Variants in RABEP1 observed in about 807,000 individuals in gnomAD.
RABEP1 encodes the protein rab GTPase-binding effector protein 1.
Under a neutral mutation model 123.4 loss-of-function variants are expected in RABEP1, and 51 were observed. That is an observed-to-expected ratio of 0.41 (90% CI 0.33 to 0.52). The LOEUF (loss-of-function observed/expected upper bound fraction) is 0.52, where lower values mean the gene tolerates loss of function less well. RABEP1 is among the 20% of genes least tolerant of loss of function. The pLI is 0.16. For synonymous variants in RABEP1, 347 were observed against 355.2 expected (o/e 0.98, Z 0.26); for missense variants, 888 against 996.3 (o/e 0.89, Z 1.46).
In RABEP1 at chr17:5,338,175, A is replaced by G. The variant is rs369619609; in HGVS notation, c.648+37A>G. On this transcript the variant is annotated intron_variant, in intron 5 of 17. Coordinates refer to ENST00000537505, the MANE Select transcript of RABEP1 (RefSeq NM_004703.6). ...TTGTAATCCATTTGCTTGAAACCCA[A>G]GTTTCTGCCCCAATGCCATGAACAA... The G allele has an allele frequency of 4.8e-5, 76 of 1,585,072 alleles. No individual in the cohort carries two copies. In the African/African-American group the frequency reaches 8.5e-4, roughly 18 times the overall value.
chr17:5,337,181 C>G (rs1907174367), intron 4 of RABEP1, among the ~76,000 whole-genome samples: 1 of 152,112 alleles, frequency 6.6e-6, no homozygotes, highest in Non-Finnish European at 1.5e-5. Context: ...TAAGGGGTCA[C>G]TCTTTGTGTT....
At chr17:5,347,281 G>A (rs563921180) in intron 6 of RABEP1, among the ~76,000 whole-genome samples, 7 of 152,212 alleles carry the variant, frequency 4.6e-5, no homozygotes, top group South Asian at 2.1e-4. Context: ...GTGGTGATGC[G>A]CACCTGTTAT....
intron 1 of RABEP1, among the ~76,000 whole-genome samples, chr17:5,304,497 G>A (rs1224187070): frequency 2.6e-5 from 4 of 151,736 alleles, no homozygotes; most frequent in East Asian, 2.0e-4. Context: ...CAGGAGGATC[G>A]CTTGAACCCA....
In RABEP1 at chr17:5,378,517, A is replaced by G. The variant is rs550503453; in HGVS notation, c.2271+285A>G. Reference sequence around the variant, plus strand: ...AGGCAAGGCATGGTCATAACATGTTATATGCTTAGAGGTACAGTAGAAATA... The same window carrying G: ...AGGCAAGGCATGGTCATAACATGTTGTATGCTTAGAGGTACAGTAGAAATA... On this transcript the variant is annotated intron_variant, in intron 15 of 17. Transcript: ENST00000537505. 9.6e-5 allele frequency: 46 copies of G among 481,564 alleles called. 1 individual carries two copies. Among genetic ancestry groups the G allele is most frequent in the Middle Eastern group, 9.8e-4 (2 of 2,042 alleles). 29.8% of individuals were successfully genotyped at this position (481,564 alleles called of 1,614,324 possible). A position where few individuals can be genotyped will look rare whatever the true frequency, so the allele number is the denominator to read the frequency against.
In RABEP1 at chr17:5,361,602, T is replaced by C. The variant is rs922773185; in HGVS notation, c.1490T>C (p.Met497Thr). Residue 497 changes from methionine (M) to threonine (T), a missense_variant, in exon 9 of 18, where the codon ATG becomes ACG. Coordinates refer to ENST00000537505, the MANE Select transcript of RABEP1 (RefSeq NM_004703.6). ...CTCCTCTCCAGCGTTACCCAGGGCA[T>C]GGAGAGTGCCTATGTGTCCCCTAGT... ...ASLLSSVTQGMESAYVSPSGY... is the reference protein window; with the variant it reads ...ASLLSSVTQGTESAYVSPSGY... 4 of 1,614,062 alleles carry C rather than the reference T, an allele frequency of 2.5e-6. No individual in the cohort carries two copies. Among genetic ancestry groups the C allele is most frequent in the African/African-American group, 2.7e-5 (2 of 74,914 alleles).
At chr17:5,356,181 C>A (rs1479073216) in intron 8 of RABEP1, among the ~76,000 whole-genome samples, 3 of 152,074 alleles carry the variant, frequency 2.0e-5, no homozygotes, top group Admixed American at 1.3e-4. Flanking sequence ...TGGTGTGAAA[C>A]CCTATCTCTA....
intron 12 of RABEP1, among the ~76,000 whole-genome samples, chr17:5,370,294 T>G (rs922164794): frequency 6.6e-6 from 1 of 152,232 alleles, no homozygotes; most frequent in South Asian, 2.1e-4. Flanking sequence ...ATTGTAGACA[T>G]GACAGTCGTA....
chr17:5,353,089 C>CT lies in RABEP1; in HGVS notation c.964-1269dup, dbSNP rs1211907504. ...CTTGAACAATCTCTGATTCCAGAGT[C>CT]TAAGTGCTTACTCACCACCTCTTTC... On this transcript the variant is annotated intron_variant, in intron 7 of 17. Transcript: ENST00000537505. Among the ~76,000 whole-genome samples, 8 of 152,330 alleles carry CT rather than the reference C, an allele frequency of 5.3e-5. No homozygotes were observed. The East Asian group carries it at 1.2e-3, about 22-fold the overall frequency.
In RABEP1 at chr17:5,380,397, C is replaced by T. The variant is rs1457570932; in HGVS notation, c.2305C>T (p.Leu769Phe). Residue 769 changes from leucine (L) to phenylalanine (F), a missense_variant, in exon 16 of 18, where the codon CTT (leucine) becomes TTT (phenylalanine). Coordinates refer to ENST00000537505, the MANE Select transcript of RABEP1 (RefSeq NM_004703.6). ...CACATTAAGAGAGAAGTCTCAACAG[C>T]TTGAGAGTCTTCAGGAAATAAAGAT... ...ESTLREKSQQ[L>F]ESLQEIKISL... 3.2e-6 allele frequency: 5 copies of T among 1,573,344 alleles called. No homozygotes were observed. The highest frequency in any genetic ancestry group is 4.3e-6 in the Non-Finnish European group (5 of 1,157,964).
intron 17 of RABEP1, 196 bp downstream of exon 17, chr17:5,381,701 C>T: frequency 6.1e-6 from 5 of 817,136 alleles, no homozygotes; most frequent in Non-Finnish European, 8.5e-6. Flanking sequence ...TTTTCTTTTT[C>T]TGTATGCCTT....
intron 12 of RABEP1, among the ~76,000 whole-genome samples, chr17:5,368,913 CCTGT>C (rs1404561725): frequency 5.9e-5 from 9 of 152,030 alleles, no homozygotes; most frequent in Non-Finnish European, 1.3e-4. Context: ...TTGAGACCAT[CCTGT>C]CTAACATGGT....
chr17:5,383,095 G>A lies in RABEP1; in HGVS notation c.2488-27G>A, dbSNP rs1343673968. 12 of 1,603,182 alleles carry A rather than the reference G, an allele frequency of 7.5e-6. No homozygotes were observed. In the African/African-American group the frequency reaches 8.0e-5, roughly 11 times the overall value. On this transcript the variant is annotated intron_variant, in intron 17 of 17. Coordinates refer to ENST00000537505, the MANE Select transcript of RABEP1 (RefSeq NM_004703.6). ...CAGAAAATCTAGGCAGGAGCCACCT[G>A]TAGTTATCTCACCATTGTTTCTCCA...
intron 8 of RABEP1, among the ~76,000 whole-genome samples, chr17:5,359,009 A>G (rs972490697): frequency 6.7e-6 from 1 of 149,922 alleles, no homozygotes; most frequent in Non-Finnish European, 1.5e-5. Context: ...CTATCCTCCC[A>G]CCTCAGCCTC....
At chr17:5,304,657 A>G (rs556740820) in intron 1 of RABEP1, among the ~76,000 whole-genome samples, 2 of 152,318 alleles carry the variant, frequency 1.3e-5, no homozygotes, top group South Asian at 2.1e-4. Context: ...GAAGGCAACA[A>G]ATACGGGATG....
At chr17:5,367,767 A>T (rs1910183569) in intron 11 of RABEP1, among the ~76,000 whole-genome samples, 1 of 148,796 alleles carries the variant, frequency 6.7e-6, no homozygotes, top group Non-Finnish European at 1.5e-5. Flanking sequence ...TTTTTTTTTT[A>T]AACCCGAGAT....
chr17:5,383,150 AC>A lies in RABEP1; in HGVS notation c.2517del (p.Ser840ProfsTer9). On this transcript the variant is annotated frameshift_variant, in exon 18 of 18. Transcript: ENST00000537505. LOFTEE classifies it high-confidence loss of function. ...QVQLERIRQA[D>X]SLERIRAILN... ...CAGTTAGAGCGGATCCGGCAAGCTG[AC>A]TCCTTGGAGAGAATCCGGGCAATTC... is the stretch of plus-strand genomic sequence containing the variant. 1 of 1,613,932 alleles carries A rather than the reference AC, an allele frequency of 6.2e-7. No homozygotes were observed. Among genetic ancestry groups the A allele is most frequent in the Non-Finnish European group, 8.5e-7 (1 of 1,179,982 alleles).
chr17:5,302,591 CTTTTTTT>C (rs546960637), intron 1 of RABEP1, among the ~76,000 whole-genome samples: 4 of 123,384 alleles, frequency 3.2e-5, no homozygotes, highest in South Asian at 2.6e-4. Flanking sequence ...ATTTTTTAGA[CTTTTTTT>C]TTTTTTTTTT....
chr17:5,284,890 C>G (rs959677620), intron 1 of RABEP1, among the ~76,000 whole-genome samples: 3 of 150,358 alleles, frequency 2.0e-5, no homozygotes, highest in Admixed American at 2.0e-4. Context: ...TTGTGTCAAA[C>G]TGGTGGTGAA....
intron 4 of RABEP1, among the ~76,000 whole-genome samples, 169 bp downstream of exon 4, chr17:5,335,513 T>G (rs550756687): frequency 6.6e-6 from 1 of 152,252 alleles, no homozygotes; most frequent in African/African-American, 2.4e-5. Context: ...TATGGCTAAC[T>G]CTCTCACCTT....
Sources: allele counts gnomAD v4.1 joint callset (sites outside exome capture counted in the v4.1 genomes callset), GRCh38; gene constraint gnomAD v4.1.1; transcripts MANE v1.5; gene names NCBI Gene and HGNC (gene_info 2026-07-23, HGNC 2026-07-21).